The following CDKAL1 variants were observed in gnomAD, a reference collection of about 807,000 sequenced individuals.
CDKAL1 encodes the protein CDKAL1 threonylcarbamoyladenosine tRNA methylthiotransferase.
Under a neutral mutation model 68.2 loss-of-function variants are expected in CDKAL1, and 32 were observed. That is an observed-to-expected ratio of 0.47 (90% CI 0.35 to 0.63). CDKAL1 has a LOEUF of 0.63. Ranked by LOEUF, CDKAL1 falls within the 30% of genes least tolerant of loss-of-function variation. CDKAL1 has a pLI of 0.00. For missense variants in CDKAL1, 606 were observed against 696.7 expected (o/e 0.87, Z 1.47); for synonymous variants, 234 against 244.3 (o/e 0.96, Z 0.39).
intron 8 of CDKAL1, among the ~76,000 whole-genome samples, chr6:20,801,785 A>T (rs1218509244): frequency 6.6e-6 from 1 of 152,154 alleles, no homozygotes; most frequent in Non-Finnish European, 1.5e-5. Flanking sequence ...TGTGTTGGTA[A>T]ATAGTCTGCA....
intron 4 of CDKAL1, among the ~76,000 whole-genome samples, chr6:20,591,135 G>A (rs1479473534): frequency 6.6e-6 from 1 of 152,022 alleles, no homozygotes; most frequent in Admixed American, 6.6e-5. Flanking sequence ...TCATATGTTT[G>A]TTGACCACAT....
intron 4 of CDKAL1, among the ~76,000 whole-genome samples, chr6:20,634,341 A>G (rs17823127): frequency 0.037 from 5,696 of 152,338 alleles, 124 homozygotes; most frequent in Middle Eastern, 0.071. Context: ...TAAATTCTCA[A>G]TAACGACTTA....
intron 9 of CDKAL1, among the ~76,000 whole-genome samples, chr6:20,893,407 T>G (rs995572813): frequency 6.6e-6 from 1 of 152,208 alleles, no homozygotes; most frequent in African/African-American, 2.4e-5. Context: ...CTGTAGCAAC[T>G]GCTTTTCAAT....
chr6:21,096,664 A>G (rs1357094084), intron 12 of CDKAL1, among the ~76,000 whole-genome samples: 5 of 152,202 alleles, frequency 3.3e-5, no homozygotes, highest in Admixed American at 3.3e-4. Flanking sequence ...AAAATAATTT[A>G]TAGGTATCAG....
intron 3 of CDKAL1, among the ~76,000 whole-genome samples, chr6:20,548,389 C>T (rs1763685744): frequency 6.6e-6 from 1 of 151,916 alleles, no homozygotes; most frequent in South Asian, 2.1e-4. Context: ...GAAAAATTAA[C>T]AGGTGTGTTG....
chr6:20,624,508 C>T (rs1266055686), intron 4 of CDKAL1, among the ~76,000 whole-genome samples: 2 of 151,842 alleles, frequency 1.3e-5, no homozygotes, highest in Non-Finnish European at 2.9e-5. Flanking sequence ...ATGTGAAGGT[C>T]CTGCTTTTGA....
chr6:21,065,014 C>T, intron 11 of CDKAL1, 34 bp from the exon 12 acceptor site: 1 of 1,326,872 alleles, frequency 7.5e-7, no homozygotes, highest in East Asian at 2.5e-5. Flanking sequence ...GGCTTATAGT[C>T]AAGTTTTTAC....
At chr6:21,049,738 T>C (rs899219034) in intron 11 of CDKAL1, among the ~76,000 whole-genome samples, 2 of 152,178 alleles carry the variant, frequency 1.3e-5, no homozygotes, top group African/African-American at 2.4e-5. Flanking sequence ...AATGATATAT[T>C]CTGGATTTAT....
At chr6:21,113,792 T>C (rs1190196715) in intron 13 of CDKAL1, among the ~76,000 whole-genome samples, 1 of 151,696 alleles carries the variant, frequency 6.6e-6, no homozygotes, top group African/African-American at 2.4e-5. Context: ...AAAAGAAAAT[T>C]AGCCAGGTGT....
chr6:20,643,116 G>T (rs927876058), intron 4 of CDKAL1, among the ~76,000 whole-genome samples: 3 of 152,162 alleles, frequency 2.0e-5, no homozygotes, highest in Non-Finnish European at 4.4e-5. Context: ...GGGTTCTAAC[G>T]CTCAAATCTC....
chr6:20,913,681 A>G (rs541285825), intron 9 of CDKAL1, among the ~76,000 whole-genome samples: 15 of 152,168 alleles, frequency 9.9e-5, no homozygotes, highest in East Asian at 5.8e-4. Flanking sequence ...CCAGGAGGTC[A>G]CCCCAGATTT....
intron 6 of CDKAL1, 57 bp from the exon 7 acceptor site, chr6:20,758,538 C>T: frequency 6.7e-7 from 1 of 1,492,324 alleles, no homozygotes; most frequent in Non-Finnish European, 9.2e-7. Context: ...TAAGGATAAA[C>T]ACAAATTTTG....
intron 10 of CDKAL1, among the ~76,000 whole-genome samples, chr6:20,962,959 G>A (rs1389317043): frequency 6.6e-6 from 1 of 152,110 alleles, no homozygotes; most frequent in Non-Finnish European, 1.5e-5. Context: ...AATTTTAAGA[G>A]GTCAGTGAAA....
chr6:20,620,987 A>G (rs1216661002), intron 4 of CDKAL1, among the ~76,000 whole-genome samples: 3 of 151,914 alleles, frequency 2.0e-5, no homozygotes, highest in Non-Finnish European at 2.9e-5. Flanking sequence ...ACCATATTAC[A>G]TTTACTTGTC....
At chr6:20,881,884 G>C (rs1314023228) in intron 9 of CDKAL1, among the ~76,000 whole-genome samples, 1 of 152,106 alleles carries the variant, frequency 6.6e-6, no homozygotes, top group Non-Finnish European at 1.5e-5. Flanking sequence ...TCAAGATACA[G>C]AACAGTTACA....
chr6:20,895,099 A>G (rs1190315404), intron 9 of CDKAL1, among the ~76,000 whole-genome samples: 2 of 152,148 alleles, frequency 1.3e-5, no homozygotes, highest in African/African-American at 2.4e-5. Context: ...GTAAGTTTAT[A>G]ATATTAAATA....
chr6:20,915,165 T>C (rs1396077156), intron 9 of CDKAL1, among the ~76,000 whole-genome samples: 6 of 147,112 alleles, frequency 4.1e-5, no homozygotes, highest in Non-Finnish European at 7.5e-5. Flanking sequence ...ATTTATATAA[T>C]GGCAAAAAAA....
At chr6:20,716,172 T>G (rs960055084) in intron 5 of CDKAL1, among the ~76,000 whole-genome samples, 3 of 152,174 alleles carry the variant, frequency 2.0e-5, no homozygotes, top group African/African-American at 4.8e-5. Context: ...TTGTGGGGAT[T>G]GGGGAGATAG....
intron 8 of CDKAL1, chr6:20,799,946 G>C (rs1776297926): frequency 6.6e-6 from 1 of 152,222 alleles, no homozygotes. Context: ...CATGTTAGTA[G>C]ATACTGCGAA....
Sources: allele counts gnomAD v4.1 joint callset (sites outside exome capture counted in the v4.1 genomes callset), GRCh38; gene constraint gnomAD v4.1.1; transcripts MANE v1.5; gene names NCBI Gene and HGNC (gene_info 2026-07-23, HGNC 2026-07-21).